The following ZBTB9 variants were observed in gnomAD, a reference collection of about 807,000 sequenced individuals.
The protein encoded by ZBTB9 is zinc finger and BTB domain-containing protein 9.
ZBTB9 carries 17 observed loss-of-function variants against 26.3 expected under a neutral mutation model. The ratio of observed to expected loss-of-function variants is 0.65; its 90% confidence interval spans 0.44 to 0.97. The LOEUF (loss-of-function observed/expected upper bound fraction) is 0.97, where lower values mean the gene tolerates loss of function less well. Ranked by LOEUF, ZBTB9 falls within the 50% of genes least tolerant of loss-of-function variation. The pLI, the probability that ZBTB9 is intolerant of heterozygous loss-of-function variation, is 0.00. For synonymous variants in ZBTB9, 226 were observed against 234.3 expected, an observed-to-expected ratio of 0.96 and a Z score of 0.32; for missense variants, 510 against 594.2, an observed-to-expected ratio of 0.86 and a Z score of 1.47.
rs1192592370 is a variant in ZBTB9 at position 33,456,160 on chromosome 6, C to A, written c.1060C>A (p.Leu354Met). The A allele has an allele frequency of 6.2e-7, 1 of 1,608,954 alleles. No homozygotes were observed. The highest frequency in any genetic ancestry group is 1.1e-5 in the South Asian group (1 of 90,542). The change falls in exon 2 of 2, where the codon CTG (leucine) becomes ATG (methionine). Residue 354 changes from leucine (L) to methionine (M), a missense_variant. Physicochemically the swap from Leu to Met is conservative, Grantham distance 15 (BLOSUM62 2). Coordinates refer to ENST00000395064, the MANE Select transcript of ZBTB9 (RefSeq NM_152735.4). This position sits in a 1 kb window ranked among gnomAD's most constrained non-coding sequence, Gnocchi z 5.1. ...KPVDLHGNEI[L>M]SGGGGPGGAG... is the part of the protein sequence containing the mutation. ...AGTGGATCTTCATGGGAATGAAATC[C>A]TGTCAGGGGGTGGAGGACCTGGGGG... is the stretch of plus-strand genomic sequence containing the variant.
At position 33,455,855 on chromosome 6, in the gene ZBTB9, C is replaced by T; in HGVS notation, c.755C>T (p.Pro252Leu). ...TTTCCCCGTCCTCATGGACCCCACC[C>T]ACTGCCCATGACTGCTACTCCCCGA... ...GVFPRPHGPH[P>L]LPMTATPRKL... Residue 252 changes from proline (P) to leucine (L), a missense_variant, in exon 2 of 2, where the codon CCA (proline) becomes CTA (leucine). By Grantham distance (98) the Pro-to-Leu change is moderately conservative. Around this residue, in one of 2 missense-constraint regions of ZBTB9, gnomAD observed 439 missense variants for 460.4 expected, o/e 0.95. Transcript: ENST00000395064. The T allele has an allele frequency of 6.2e-7, 1 of 1,612,896 alleles. No individual in the cohort carries two copies. Among genetic ancestry groups the T allele is most frequent in the Non-Finnish European group, 8.5e-7 (1 of 1,179,354 alleles).
rs1253201036 is a variant in ZBTB9, at chr6:33,455,450, C to T, written c.350C>T (p.Ala117Val). The change falls in exon 2 of 2, where the codon GCT (alanine) becomes GTT (valine). Residue 117 changes from alanine (A) to valine (V), a missense_variant. Coordinates refer to ENST00000395064, the MANE Select transcript of ZBTB9 (RefSeq NM_152735.4). ...RLRLPLDALP[A>V]HLLVASGLQM... The stretch of plus-strand genomic sequence containing the variant: ...CGCCTGCCACTGGATGCTCTTCCTG[C>T]TCATCTCCTTGTGGCCAGTGGCCTT... The T allele has an allele frequency of 1.2e-6, 2 of 1,613,978 alleles. No homozygotes were observed. The highest frequency in any genetic ancestry group is 1.7e-6 in the Non-Finnish European group (2 of 1,179,972).
Position 33,456,668 on chromosome 6 carries a change from T to C in ZBTB9, c.*146T>C, listed in dbSNP as rs930513070. ...ATTATGGACCTCTTGTTCTTAGATA[T>C]GGGCCTCTCAGCCTGGCAGATGTGG... On this transcript the variant is annotated 3_prime_UTR_variant, in exon 2 of 2. Coordinates refer to ENST00000395064, the MANE Select transcript of ZBTB9 (RefSeq NM_152735.4). The surrounding 1 kb of genome is among the most constrained non-coding windows in gnomAD (Gnocchi z 5.1). The C allele has an allele frequency of 2.8e-5, 38 of 1,365,092 alleles. No individual in the cohort carries two copies. Among genetic ancestry groups the C allele is most frequent in the Non-Finnish European group, 3.4e-5 (35 of 1,036,060 alleles). 84.6% of individuals were successfully genotyped at this position (1,365,092 alleles called of 1,614,324 possible). A position where few individuals can be genotyped will look rare whatever the true frequency, so the allele number is the denominator to read the frequency against.
chr6:33,456,803 TGTG>T lies in ZBTB9; in HGVS notation c.*288_*290del, dbSNP rs1761494620. ...ATCACTTGCCCATGGTGGACATTTT[TGTG>T]GTGGTGATGTCCATTAAGGAAACCA... On this transcript the variant is annotated 3_prime_UTR_variant, in exon 2 of 2. Transcript: ENST00000395064. This position sits in a 1 kb window ranked among gnomAD's most constrained non-coding sequence, Gnocchi z 5.1. The T allele has an allele frequency of 4.6e-6, 2 of 435,668 alleles. No individual in the cohort carries two copies. Among genetic ancestry groups the T allele is most frequent in the Non-Finnish European group, 4.2e-6 (1 of 240,728 alleles). The allele number at this position is 435,668 out of a possible 1,614,324, so 27.0% of individuals were successfully genotyped here.
Position 33,454,785 on chromosome 6 carries a change from G to A in ZBTB9, c.-72+10G>A. ...GAGCTGTTCTGGGCAGGTGAAGGCA[G>A]GCTGGTGGCTGAAGGACCTCCTTCT... On this transcript the variant is annotated intron_variant, in intron 1 of 1. Transcript: ENST00000395064. 2.3e-6 allele frequency: 1 copy of A among 430,590 alleles called. No homozygotes were observed. Among genetic ancestry groups the A allele is most frequent in the Non-Finnish European group, 4.1e-6 (1 of 242,470 alleles). The allele number at this position is 430,590 out of a possible 1,614,324, so 26.7% of individuals were successfully genotyped here.
chr6:33,455,476 C>T lies in ZBTB9; in HGVS notation c.376C>T (p.Gln126Ter). ...PAHLLVASGL[Q>*]MWQVVDQCSE... ...TCATCTCCTTGTGGCCAGTGGCCTT[C>T]AAATGTGGCAGGTAGTAGATCAGTG... Residue 126 changes from glutamine to a stop codon, truncating the protein, a stop_gained, in exon 2 of 2, where the codon CAA becomes TAA. Coordinates refer to ENST00000395064, the MANE Select transcript of ZBTB9 (RefSeq NM_152735.4). LOFTEE classifies it high-confidence loss of function. The T allele has an allele frequency of 6.2e-7, 1 of 1,614,138 alleles. No homozygotes were observed. The highest frequency in any genetic ancestry group is 8.5e-7 in the Non-Finnish European group (1 of 1,179,990).
chr6:33,455,290 G>C lies in ZBTB9; in HGVS notation c.190G>C (p.Ala64Pro). Residue 64 changes from alanine to proline, a missense_variant, in exon 2 of 2, where the codon GCA becomes CCA. Physicochemically the swap from Ala to Pro is conservative, Grantham distance 27. Transcript: ENST00000395064. ...VQGRELRAHK[A>P]VLAAASPYFH... ...GGGCCGGGAACTTAGGGCTCATAAAGCAGTGTTAGCTGCTGCCTCTCCTTA... is the reference window on the plus strand; with the variant it reads ...GGGCCGGGAACTTAGGGCTCATAAACCAGTGTTAGCTGCTGCCTCTCCTTA... The C allele has an allele frequency of 1.2e-6, 2 of 1,614,216 alleles. No homozygotes were observed. The highest frequency in any genetic ancestry group is 1.7e-6 in the Non-Finnish European group (2 of 1,180,040).
At position 33,457,286 on chromosome 6, in the gene ZBTB9, A is replaced by G. The variant is rs908421507; in HGVS notation, c.*764A>G. The G allele has an allele frequency of 1.2e-5, 2 of 167,244 alleles. No individual in the cohort carries two copies. The highest frequency in any genetic ancestry group is 3.4e-3 in the Middle Eastern group (1 of 296). The allele number at this position is 167,244 out of a possible 1,614,324, so 10.4% of individuals were successfully genotyped here. A position where few individuals can be genotyped will look rare whatever the true frequency, so the allele number is the denominator to read the frequency against. ...GTGACTAGTGATCTCAGGAGATGGC[A>G]CTGTCCTAAAGTGCTGTCAGGGTGG... On this transcript the variant is annotated 3_prime_UTR_variant, in exon 2 of 2. Coordinates refer to ENST00000395064, the MANE Select transcript of ZBTB9 (RefSeq NM_152735.4).
In ZBTB9 at chr6:33,456,972, G is replaced by A. The variant is rs1761497379; in HGVS notation, c.*450G>A. The A allele has an allele frequency of 5.7e-6, 1 of 175,674 alleles. No individual in the cohort carries two copies. Among genetic ancestry groups the A allele is most frequent in the African/African-American group, 2.4e-5 (1 of 41,762 alleles). The allele number at this position is 175,674 out of a possible 1,614,324, so 10.9% of individuals were successfully genotyped here. A position where few individuals can be genotyped will look rare whatever the true frequency, so the allele number is the denominator to read the frequency against. On this transcript the variant is annotated 3_prime_UTR_variant, in exon 2 of 2. Transcript: ENST00000395064. This position sits in a 1 kb window ranked among gnomAD's most constrained non-coding sequence, Gnocchi z 5.1. Reference sequence around the variant, plus strand: ...ACAGCTTAAGTAATTCAGAGGCTAAGCTCTAAGCTTTTTTCTCTCATTGCT... The same window carrying A: ...ACAGCTTAAGTAATTCAGAGGCTAAACTCTAAGCTTTTTTCTCTCATTGCT...
In ZBTB9 at chr6:33,456,702, A is replaced by G. The variant is rs1761493169; in HGVS notation, c.*180A>G. Reference sequence around the variant, plus strand: ...CAGCCTGGCAGATGTGGAAACTCAAATTTCTCGTCCCACTCCAGGTTTTGG... The same window carrying G: ...CAGCCTGGCAGATGTGGAAACTCAAGTTTCTCGTCCCACTCCAGGTTTTGG... On this transcript the variant is annotated 3_prime_UTR_variant, in exon 2 of 2. Transcript: ENST00000395064. This position sits in a 1 kb window ranked among gnomAD's most constrained non-coding sequence, Gnocchi z 5.1. 8.4e-7 allele frequency: 1 copy of G among 1,193,164 alleles called. No homozygotes were observed. The highest frequency in any genetic ancestry group is 1.6e-5 in the African/African-American group (1 of 64,408). 73.9% of individuals were successfully genotyped at this position (1,193,164 alleles called of 1,614,324 possible). A position where few individuals can be genotyped will look rare whatever the true frequency, so the allele number is the denominator to read the frequency against.
Position 33,455,233 on chromosome 6 carries a change from G to A in ZBTB9, c.133G>A (p.Gly45Arg). The change falls in exon 2 of 2, where the codon GGA becomes AGA. Residue 45 changes from glycine to arginine, a missense_variant. Gly to Arg is a moderately radical substitution (Grantham distance 125). Coordinates refer to ENST00000395064, the MANE Select transcript of ZBTB9 (RefSeq NM_152735.4). ...ATCTCTGAACCGCCACAGGCTAGAG[G>A]GAAAGTTCTGTGATGTGTCCCTCCT... ...LESLNRHRLE[G>R]KFCDVSLLVQ... is the part of the protein sequence containing the mutation. 6.2e-7 allele frequency: 1 copy of A among 1,614,212 alleles called. No homozygotes were observed. The highest frequency in any genetic ancestry group is 8.5e-7 in the Non-Finnish European group (1 of 1,180,040).
chr6:33,455,009 C>T, intron 1 of ZBTB9, 21 bp from the exon 2 acceptor site: 1 of 1,506,056 alleles, frequency 6.6e-7, no homozygotes, highest in Admixed American at 2.3e-5. Flanking sequence ...CTTCTGTGAC[C>T]TCCATCTTTT....
chr6:33,456,099 G>T lies in ZBTB9; in HGVS notation c.999G>T (p.Gly333=). 6.2e-7 allele frequency: 1 copy of T among 1,613,786 alleles called. No homozygotes were observed. Among genetic ancestry groups the T allele is most frequent in the Non-Finnish European group, 8.5e-7 (1 of 1,179,924 alleles). The change falls in exon 2 of 2, where the codon GGG becomes GGT. Residue 333 remains glycine (G), a synonymous_variant. Transcript: ENST00000395064. The surrounding 1 kb of genome is among the most constrained non-coding windows in gnomAD (Gnocchi z 5.1). The part of the protein sequence containing the change: ...ELGFLLPSGP[G]PTSGGGGPSW... ...GGTTCTTGTTGCCTTCAGGGCCAGG[G>T]CCAACATCTGGGGGAGGGGGTCCAT...
Position 33,455,812 on chromosome 6 carries a change from C to T in ZBTB9, c.712C>T (p.Gln238Ter). 1 of 1,610,758 alleles carries T rather than the reference C, an allele frequency of 6.2e-7. No homozygotes were observed. Among genetic ancestry groups the T allele is most frequent in the Non-Finnish European group, 8.5e-7 (1 of 1,178,172 alleles). ...SATLSQTPQP[Q>*]RVSGVFPRPH... ...CACACTCTCTCAGACTCCTCAGCCCCAGAGAGTATCAGGGGTTTTTCCCCG... is the reference window on the plus strand; with the variant it reads ...CACACTCTCTCAGACTCCTCAGCCCTAGAGAGTATCAGGGGTTTTTCCCCG... Residue 238 changes from glutamine to a stop codon, truncating the protein, a stop_gained, in exon 2 of 2, where the codon CAG becomes TAG. Coordinates refer to ENST00000395064, the MANE Select transcript of ZBTB9 (RefSeq NM_152735.4). LOFTEE classifies it high-confidence loss of function.
Position 33,455,721 on chromosome 6 carries a change from G to A in ZBTB9, c.621G>A (p.Leu207=). 2 of 1,614,144 alleles carry A rather than the reference G, an allele frequency of 1.2e-6. No individual in the cohort carries two copies. Among genetic ancestry groups the A allele is most frequent in the Non-Finnish European group, 8.5e-7 (1 of 1,180,000 alleles). ...AGGGAAGTGAACTGGGAGAAGTGCTGCAAATTCAGGTGGAAGAAGAAGAGG... is the reference window on the plus strand; with the variant it reads ...AGGGAAGTGAACTGGGAGAAGTGCTACAAATTCAGGTGGAAGAAGAAGAGG... ...GGEGSELGEV[L]QIQVEEEEEE... Residue 207 remains leucine, a synonymous_variant, in exon 2 of 2, where the codon CTG becomes CTA. Coordinates refer to ENST00000395064, the MANE Select transcript of ZBTB9 (RefSeq NM_152735.4).
In ZBTB9 at chr6:33,455,609, G is replaced by T; in HGVS notation, c.509G>T (p.Cys170Phe). ...ACTACATCCTCTACAGGAGGCTGGT[G>T]CATTCGCTCTTCGCCTTTCCAGACC... ...LSTTSSTGGW[C>F]IRSSPFQTPV... The change falls in exon 2 of 2, where the codon TGC (cysteine) becomes TTC (phenylalanine). Residue 170 changes from cysteine (C) to phenylalanine (F), a missense_variant. By Grantham distance (205) the Cys-to-Phe change is radical. Coordinates refer to ENST00000395064, the MANE Select transcript of ZBTB9 (RefSeq NM_152735.4). 6.2e-7 allele frequency: 1 copy of T among 1,613,960 alleles called. No individual in the cohort carries two copies. Among genetic ancestry groups the T allele is most frequent in the Non-Finnish European group, 8.5e-7 (1 of 1,179,884 alleles).
chr6:33,455,424 C>T lies in ZBTB9; in HGVS notation c.324C>T (p.Leu108=), dbSNP rs1415896001. 1 of 1,613,784 alleles carries T rather than the reference C, an allele frequency of 6.2e-7. No individual in the cohort carries two copies. Among genetic ancestry groups the T allele is most frequent in the South Asian group, 1.1e-5 (1 of 91,068 alleles). The change falls in exon 2 of 2, where the codon CTC becomes CTT. Residue 108 remains leucine (L), a synonymous_variant. Transcript: ENST00000395064. ...TCCAGCTCATTTATTCAGGGCGTCT[C>T]CGCCTGCCACTGGATGCTCTTCCTG... ...GLLQLIYSGR[L]RLPLDALPAH... is the part of the protein sequence containing the mutation.
chr6:33,456,225 G>C lies in ZBTB9; in HGVS notation c.1125G>C (p.Gly375=), dbSNP rs757751403. The C allele has an allele frequency of 1.5e-4, 247 of 1,612,424 alleles. No individual in the cohort carries two copies. The highest frequency in any genetic ancestry group is 4.9e-4 in the Middle Eastern group (3 of 6,082). The part of the protein sequence containing the change: ...QAVHGPVKLG[G]TPPADGKRFG... ...TGCATGGGCCTGTGAAGCTAGGGGG[G>C]ACACCCCCTGCAGATGGAAAACGCT... is the stretch of plus-strand genomic sequence containing the variant. Residue 375 remains glycine (G), a synonymous_variant, in exon 2 of 2, where the codon GGG becomes GGC. Coordinates refer to ENST00000395064, the MANE Select transcript of ZBTB9 (RefSeq NM_152735.4). The surrounding 1 kb of genome is among the most constrained non-coding windows in gnomAD (Gnocchi z 5.1).
chr6:33,455,171 A>C lies in ZBTB9; in HGVS notation c.71A>C (p.Gln24Pro). ...PTCNPAPRTI[Q>P]IEFPQHSSSL... ...TGCAACCCAGCCCCACGGACAATCC[A>C]GATCGAGTTCCCACAGCATAGCTCG... Residue 24 changes from glutamine to proline, a missense_variant, in exon 2 of 2, where the codon CAG (glutamine) becomes CCG (proline). Physicochemically the swap from Gln to Pro is moderately conservative, Grantham distance 76 (BLOSUM62 -1). Transcript: ENST00000395064. 6.2e-7 allele frequency: 1 copy of C among 1,614,124 alleles called. No individual in the cohort carries two copies. The highest frequency in any genetic ancestry group is 8.5e-7 in the Non-Finnish European group (1 of 1,180,020).
Sources: allele counts gnomAD v4.1 joint callset, GRCh38; gene constraint gnomAD v4.1.1; regional missense constraint gnomAD v4.1.1; non-coding constraint Gnocchi (gnomAD v3.1); transcripts MANE v1.5; gene names NCBI Gene and HGNC (gene_info 2026-07-23, HGNC 2026-07-21).